Variants in LRRIQ4 observed in about 807,000 individuals in gnomAD.
LRRIQ4 encodes leucine-rich repeat and IQ domain-containing protein 4.
Under a neutral mutation model 40.1 loss-of-function variants are expected in LRRIQ4, and 21 were observed. The ratio of observed to expected loss-of-function variants is 0.52; its 90% CI spans 0.37 to 0.75. The LOEUF is 0.75. Ranked by LOEUF, LRRIQ4 falls within the 30% of genes least tolerant of loss-of-function variation. LRRIQ4 has a pLI of 0.00. For missense variants in LRRIQ4, 655 were observed against 660.0 expected, an observed-to-expected ratio of 0.99 and a Z score of 0.08; for synonymous variants, 277 against 277.1, an observed-to-expected ratio of 1.00 and a Z score of 0.00.
At chr3:169,821,455 A>G (rs1191391307) in intron 1 of LRRIQ4, among the ~76,000 whole-genome samples, 4 of 150,522 alleles carry the variant, frequency 2.7e-5, no homozygotes, top group Non-Finnish European at 5.9e-5. Flanking sequence ...AACATGGTGA[A>G]ACCCCGTCTC....
intron 3 of LRRIQ4, 82 bp downstream of exon 3, chr3:169,829,014 C>T: frequency 8.1e-7 from 1 of 1,231,480 alleles, no homozygotes. Flanking sequence ...TATGAGGTCT[C>T]CACAGGCTGG....
Position 169,819,357 on chromosome 3 carries a change from C to T in LRRIQ4, c.-31-2534C>T, listed in dbSNP as rs1779827713. On this transcript the variant is annotated intron_variant, in intron 1 of 5. Coordinates refer to ENST00000340806, the MANE Select transcript of LRRIQ4 (RefSeq NM_001080460.3). ...TGATTAAGGTGAGATAACATACACACACAATCAGATATTCTAAGCAGGTCT... is the reference window on the plus strand; with the variant it reads ...TGATTAAGGTGAGATAACATACACATACAATCAGATATTCTAAGCAGGTCT... Among the ~76,000 whole-genome samples, 4 of 152,126 alleles carry T rather than the reference C, an allele frequency of 2.6e-5. 1 individual carries two copies. Among genetic ancestry groups the T allele is most frequent in the African/African-American group, 7.2e-5 (3 of 41,412 alleles).
intron 5 of LRRIQ4, among the ~76,000 whole-genome samples, chr3:169,836,968 A>G (rs1780316689): frequency 1.3e-5 from 2 of 152,200 alleles, no homozygotes; most frequent in Non-Finnish European, 2.9e-5. Flanking sequence ...ATGGGGAGCC[A>G]CTGGACAAGT....
chr3:169,830,743 C>A, intron 4 of LRRIQ4, 113 bp downstream of exon 4: 2 of 1,296,544 alleles, frequency 1.5e-6, no homozygotes, highest in Non-Finnish European at 2.1e-6. Context: ...AGAACTGAGT[C>A]TATCCCATTA....
At position 169,822,646 on chromosome 3, in the gene LRRIQ4, C is replaced by A; in HGVS notation, c.725C>A (p.Ser242Tyr). 6.2e-7 allele frequency: 1 copy of A among 1,613,954 alleles called. No homozygotes were observed. Among genetic ancestry groups the A allele is most frequent in the Non-Finnish European group, 8.5e-7 (1 of 1,179,888 alleles). Reference protein sequence around the residue: ...QCSQLSVLDLSHNLLHSIPKS... With the variant: ...QCSQLSVLDLYHNLLHSIPKS... Reference sequence around the variant, plus strand: ...AGCCAACTGTCGGTGCTCGATTTATCCCACAACCTCCTCCACTCCATCCCG... The same window carrying A: ...AGCCAACTGTCGGTGCTCGATTTATACCACAACCTCCTCCACTCCATCCCG... The change falls in exon 2 of 6, where the codon TCC becomes TAC. Residue 242 changes from serine (S) to tyrosine (Y), a missense_variant. Physicochemically the swap from Ser to Tyr is moderately radical, Grantham distance 144 (BLOSUM62 -2). Coordinates refer to ENST00000340806, the MANE Select transcript of LRRIQ4 (RefSeq NM_001080460.3).
intron 3 of LRRIQ4, among the ~76,000 whole-genome samples, chr3:169,829,735 A>T (rs1780119854): frequency 6.6e-6 from 1 of 152,184 alleles, no homozygotes; most frequent in Non-Finnish European, 1.5e-5. Context: ...TCCTGACCTC[A>T]GGTGATCCAC....
Position 169,837,688 on chromosome 3 carries a change from T to C in LRRIQ4, c.*57T>C. On this transcript the variant is annotated 3_prime_UTR_variant, in exon 6 of 6. Coordinates refer to ENST00000340806, the MANE Select transcript of LRRIQ4 (RefSeq NM_001080460.3). ...CTTGATAGATTAAGAAGACAAAATATCTAGGAATTAGATGCCTACTACATT... is the reference window on the plus strand; with the variant it reads ...CTTGATAGATTAAGAAGACAAAATACCTAGGAATTAGATGCCTACTACATT... 5 of 1,365,662 alleles carry C rather than the reference T, an allele frequency of 3.7e-6. No homozygotes were observed. The highest frequency in any genetic ancestry group is 4.9e-6 in the Non-Finnish European group (5 of 1,015,432). 84.6% of individuals were successfully genotyped at this position (1,365,662 alleles called of 1,614,324 possible).
chr3:169,830,735 A>T (rs1282445802), intron 4 of LRRIQ4, 105 bp downstream of exon 4: 3 of 1,358,572 alleles, frequency 2.2e-6, no homozygotes, highest in Non-Finnish European at 3.0e-6. Flanking sequence ...GTGTTCAGAG[A>T]ACTGAGTCTA....
intron 1 of LRRIQ4, among the ~76,000 whole-genome samples, chr3:169,820,047 A>G (rs974273733): frequency 6.6e-6 from 1 of 152,204 alleles, no homozygotes; most frequent in African/African-American, 2.4e-5. Flanking sequence ...CCTGAAGCAC[A>G]TAGTGTTGTG....
rs576133071 is a variant in LRRIQ4 at position 169,817,694 on chromosome 3, C to CT, written c.-31-4190dup. ...ATCATTATATAATGACCTTTTTTGTCTTTTTTTATAGCTTTTGTCTCGAAA... is the reference window on the plus strand; with the variant it reads ...ATCATTATATAATGACCTTTTTTGTCTTTTTTTTATAGCTTTTGTCTCGAAA... On this transcript the variant is annotated intron_variant, in intron 1 of 5. Coordinates refer to ENST00000340806, the MANE Select transcript of LRRIQ4 (RefSeq NM_001080460.3). Among the ~76,000 whole-genome samples, 494 of 152,044 alleles carry CT rather than the reference C, an allele frequency of 3.2e-3. 1 individual carries two copies. Among genetic ancestry groups the CT allele is most frequent in the African/African-American group, 0.011 (468 of 41,464 alleles).
intron 4 of LRRIQ4, among the ~76,000 whole-genome samples, chr3:169,831,531 T>G (rs904577533): frequency 7.3e-6 from 1 of 136,898 alleles, no homozygotes; most frequent in Non-Finnish European, 1.6e-5. Flanking sequence ...CTTGATCTCC[T>G]GACCTCGTGA....
At position 169,822,826 on chromosome 3, in the gene LRRIQ4, T is replaced by C. The variant is rs1576763136; in HGVS notation, c.905T>C (p.Leu302Pro). 6.2e-7 allele frequency: 1 copy of C among 1,613,560 alleles called. No individual in the cohort carries two copies. Among genetic ancestry groups the C allele is most frequent in the Non-Finnish European group, 8.5e-7 (1 of 1,179,712 alleles). Residue 302 changes from leucine to proline, a missense_variant, in exon 2 of 6, where the codon CTG becomes CCG. Coordinates refer to ENST00000340806, the MANE Select transcript of LRRIQ4 (RefSeq NM_001080460.3). ...LHRLRGSFRC[L>P]VNLRFLDLSQ... The stretch of plus-strand genomic sequence containing the variant: ...AGGCTGCGGGGCTCCTTCAGGTGCC[T>C]GGTCAACTTGCGCTTCCTGGACCTA...
intron 1 of LRRIQ4, among the ~76,000 whole-genome samples, chr3:169,819,529 C>T (rs1296645641): frequency 6.6e-6 from 1 of 152,182 alleles, no homozygotes; most frequent in Non-Finnish European, 1.5e-5. Flanking sequence ...TCTAAAATTT[C>T]ACACCCGAGA....
At position 169,822,138 on chromosome 3, in the gene LRRIQ4, A is replaced by G. The variant is rs1409767261; in HGVS notation, c.217A>G (p.Ile73Val). Residue 73 changes from isoleucine to valine, a missense_variant, in exon 2 of 6, where the codon ATC (isoleucine) becomes GTC (valine). Ile to Val is a conservative substitution (Grantham distance 29). Transcript: ENST00000340806. Reference protein sequence around the residue: ...IPQEIQRLKNIRVLYLDKNNL... With the variant: ...IPQEIQRLKNVRVLYLDKNNL... Reference sequence around the variant, plus strand: ...CCAGGAGATTCAGCGTTTAAAGAACATCAGGGTCCTCTACCTGGATAAGAA... The same window carrying G: ...CCAGGAGATTCAGCGTTTAAAGAACGTCAGGGTCCTCTACCTGGATAAGAA... 3 of 1,613,102 alleles carry G rather than the reference A, an allele frequency of 1.9e-6. No individual in the cohort carries two copies. The highest frequency in any genetic ancestry group is 1.3e-5 in the African/African-American group (1 of 74,970).
chr3:169,814,199 C>A (rs1387095295), intron 1 of LRRIQ4, among the ~76,000 whole-genome samples: 1 of 152,086 alleles, frequency 6.6e-6, no homozygotes, highest in Admixed American at 6.6e-5. Flanking sequence ...TGGCTCTCAA[C>A]AGATGGATGG....
In LRRIQ4 at chr3:169,822,553, C is replaced by T. The variant is rs745609351; in HGVS notation, c.632C>T (p.Thr211Met). 2.5e-6 allele frequency: 4 copies of T among 1,613,848 alleles called. No individual in the cohort carries two copies. The highest frequency in any genetic ancestry group is 3.4e-6 in the Non-Finnish European group (4 of 1,179,796). The change falls in exon 2 of 6, where the codon ACG (threonine) becomes ATG (methionine). Residue 211 changes from threonine (T) to methionine (M), a missense_variant. Physicochemically the swap from Thr to Met is moderately conservative, Grantham distance 81 (BLOSUM62 -1). Coordinates refer to ENST00000340806, the MANE Select transcript of LRRIQ4 (RefSeq NM_001080460.3). ...ATCCCAGAAGAGATCGGACACCTGA[C>T]GGGGCTGCAGAAGTTCTATATGGCT... is the stretch of plus-strand genomic sequence containing the variant. The part of the protein sequence containing the change: ...GAIPEEIGHL[T>M]GLQKFYMASN...
intron 1 of LRRIQ4, among the ~76,000 whole-genome samples, chr3:169,820,247 CTCTG>C (rs1779851624): frequency 3.5e-5 from 4 of 114,944 alleles, no homozygotes; most frequent in Non-Finnish European, 3.5e-5. Context: ...TCCCCATAGA[CTCTG>C]TGTGTGTGTG....
chr3:169,832,977 A>C lies in LRRIQ4; in HGVS notation c.1334-10A>C. Reference sequence around the variant, plus strand: ...AAGATTGAACCACCATTACGAAAAAATCTTTTCAGCTTTGAAAGAATTACG... The same window carrying C: ...AAGATTGAACCACCATTACGAAAAACTCTTTTCAGCTTTGAAAGAATTACG... On this transcript the variant is annotated splice_polypyrimidine_tract_variant and intron_variant, in intron 4 of 5. Coordinates refer to ENST00000340806, the MANE Select transcript of LRRIQ4 (RefSeq NM_001080460.3). 6.2e-7 allele frequency: 1 copy of C among 1,607,566 alleles called. No individual in the cohort carries two copies. The highest frequency in any genetic ancestry group is 8.5e-7 in the Non-Finnish European group (1 of 1,177,514).
At chr3:169,831,503 T>G (rs377500651) in intron 4 of LRRIQ4, among the ~76,000 whole-genome samples, 1 of 122,586 alleles carries the variant, frequency 8.2e-6, no homozygotes, top group African/African-American at 3.1e-5. Flanking sequence ...GGGGTTTCAC[T>G]GTGTTAGCCA....
Sources: allele counts gnomAD v4.1 joint callset (sites outside exome capture counted in the v4.1 genomes callset), GRCh38; gene constraint gnomAD v4.1.1; transcripts MANE v1.5; gene names NCBI Gene and HGNC (gene_info 2026-07-23, HGNC 2026-07-21).